The following GFRAL variants were observed in gnomAD, a reference collection of about 807,000 sequenced individuals.
The protein encoded by GFRAL is GDNF family receptor alpha like, also known as GDNF family receptor alpha-like.
In GFRAL, 36 loss-of-function variants were observed where a neutral mutation model predicts 45.4. The ratio of observed to expected loss-of-function variants is 0.79; its 90% CI spans 0.61 to 1.05. The LOEUF (loss-of-function observed/expected upper bound fraction) is 1.05. Ranked by LOEUF, GFRAL falls within the 50% of genes least tolerant of loss-of-function variation. The pLI is 0.00. For synonymous variants in GFRAL, 166 were observed against 154.1 expected, an observed-to-expected ratio of 1.08 and a Z score of -0.57; for missense variants, 507 against 467.5, an observed-to-expected ratio of 1.08 and a Z score of -0.78.
intron 6 of GFRAL, among the ~76,000 whole-genome samples, chr6:55,360,426 A>G (rs1299273764): frequency 6.6e-6 from 1 of 152,048 alleles, no homozygotes; most frequent in Non-Finnish European, 1.5e-5. Context: ...CTGTATCTAT[A>G]TCTATATACA....
Position 55,331,941 on chromosome 6 carries a change from T to A in GFRAL, c.157+92T>A, listed in dbSNP as rs150309421. 821 of 1,159,858 alleles carry A rather than the reference T, an allele frequency of 7.1e-4. 6 individuals are homozygous for A. The African/African-American group carries it at 0.011, about 16-fold the overall frequency. The allele number at this position is 1,159,858 out of a possible 1,614,324, so 71.8% of individuals were successfully genotyped here. On this transcript the variant is annotated intron_variant, in intron 2 of 8. Transcript: ENST00000340465. ...TTTTGTCATTATCCTAAGAACTAAG[T>A]TTTTTTCTATGTATCTTATTTAATC...
intron 3 of GFRAL, among the ~76,000 whole-genome samples, chr6:55,348,703 C>G (rs563701404): frequency 2.0e-5 from 3 of 152,102 alleles, no homozygotes; most frequent in South Asian, 4.2e-4. Context: ...CGATCAGGGC[C>G]CCACTCTTAT....
intron 6 of GFRAL, among the ~76,000 whole-genome samples, chr6:55,393,075 C>CTCT (rs1254755363): frequency 2.6e-5 from 4 of 152,088 alleles, no homozygotes; most frequent in African/African-American, 9.7e-5. Context: ...GTGTGGTGTT[C>CTCT]TCTTGCCTTC....
intron 6 of GFRAL, among the ~76,000 whole-genome samples, chr6:55,390,935 A>ACACACACACACACAC (rs764218405): frequency 3.7e-5 from 3 of 81,074 alleles, no homozygotes; most frequent in African/African-American, 5.9e-5. Flanking sequence ...CACACACACA[A>ACACACACACACACAC]GTAGTGGTCT....
At chr6:55,353,484 G>A (rs1768147146) in intron 5 of GFRAL, among the ~76,000 whole-genome samples, 1 of 151,938 alleles carries the variant, frequency 6.6e-6, no homozygotes. Context: ...TCAACTTATA[G>A]GATATCAAGG....
intron 3 of GFRAL, among the ~76,000 whole-genome samples, chr6:55,347,074 C>G (rs114623711): frequency 6.6e-6 from 1 of 151,560 alleles, no homozygotes; most frequent in Non-Finnish European, 1.5e-5. Context: ...TAGAGAATCA[C>G]GGGAAAGTAA....
intron 6 of GFRAL, among the ~76,000 whole-genome samples, chr6:55,363,602 C>A (rs9767069): frequency 0.63 from 75,892 of 120,532 alleles, 24,311 homozygotes; most frequent in South Asian, 0.75. Flanking sequence ...CCCACCCCAC[C>A]TCAGTCCCCA....
Position 55,331,720 on chromosome 6 carries a change from G to A in GFRAL, c.28G>A (p.Gly10Arg), listed in dbSNP as rs1395484799. 6.2e-7 allele frequency: 1 copy of A among 1,606,810 alleles called. No individual in the cohort carries two copies. The highest frequency in any genetic ancestry group is 1.3e-5 in the African/African-American group (1 of 74,548). Residue 10 changes from glycine (G) to arginine (R), a missense_variant, in exon 2 of 9, where the codon GGG becomes AGG. Transcript: ENST00000340465. Reference sequence around the variant, plus strand: ...TTTTGTTGTTGTTATTCAAGCTATGGGGTTAAGCTTGGAAAATGAATACAC... The same window carrying A: ...TTTTGTTGTTGTTATTCAAGCTATGAGGTTAAGCTTGGAAAATGAATACAC... MIVFIFLAM[G>R]LSLENEYTSQ...
intron 6 of GFRAL, among the ~76,000 whole-genome samples, chr6:55,395,205 G>T (rs1768808923): frequency 7.5e-6 from 1 of 133,676 alleles, no homozygotes; most frequent in African/African-American, 3.2e-5. Context: ...AGCCAGCTAG[G>T]TAAAATTTTA....
chr6:55,368,473 C>A (rs1316312014), intron 6 of GFRAL, among the ~76,000 whole-genome samples: 1 of 152,084 alleles, frequency 6.6e-6, no homozygotes, highest in African/African-American at 2.4e-5. Context: ...AGCTTTGTTC[C>A]GTTGCTGGTG....
At chr6:55,359,595 A>G (rs935043184) in intron 6 of GFRAL, among the ~76,000 whole-genome samples, 1 of 151,912 alleles carries the variant, frequency 6.6e-6, no homozygotes, top group Non-Finnish European at 1.5e-5. Context: ...TCATGTGCCT[A>G]TAGTCATCTG....
Position 55,358,969 on chromosome 6 carries a change from C to T in GFRAL, c.783C>T (p.Thr261=). ...KCHEDENCIS[T]LSKQDLTCSG... The stretch of plus-strand genomic sequence containing the variant: ...ATGAAGATGAGAATTGCATTAGCAC[C>T]TTAAGCAAACAGGACCTCACTTGTT... The change falls in exon 6 of 9, where the codon ACC becomes ACT. Residue 261 remains threonine (T), a synonymous_variant. Coordinates refer to ENST00000340465, the MANE Select transcript of GFRAL (RefSeq NM_207410.2). 6.2e-7 allele frequency: 1 copy of T among 1,613,064 alleles called. No homozygotes were observed. Among genetic ancestry groups the T allele is most frequent in the Non-Finnish European group, 8.5e-7 (1 of 1,179,374 alleles).
In GFRAL at chr6:55,358,876, C is replaced by T; in HGVS notation, c.702-12C>T. 3 of 1,608,984 alleles carry T rather than the reference C, an allele frequency of 1.9e-6. No individual in the cohort carries two copies. Among genetic ancestry groups the T allele is most frequent in the African/African-American group, 2.7e-5 (2 of 74,780 alleles). ...ATTCAAAACTAATTATTTTTCTTCA[C>T]TCTTTCTCTAGGAGGCACTATAGAA... On this transcript the variant is annotated splice_polypyrimidine_tract_variant and intron_variant, in intron 5 of 8. Transcript: ENST00000340465.
At chr6:55,379,646 A>G (rs906961766) in intron 6 of GFRAL, among the ~76,000 whole-genome samples, 2 of 151,874 alleles carry the variant, frequency 1.3e-5, no homozygotes, top group African/African-American at 4.8e-5. Flanking sequence ...ATAACCTCAC[A>G]TAGTTATCAT....
At chr6:55,363,363 G>C (rs1398394094) in intron 6 of GFRAL, among the ~76,000 whole-genome samples, 2 of 151,056 alleles carry the variant, frequency 1.3e-5, no homozygotes, top group African/African-American at 2.4e-5. Context: ...TTGCTTTACA[G>C]GTTCCTTTTT....
chr6:55,353,633 A>G (rs1383563906), intron 5 of GFRAL, among the ~76,000 whole-genome samples: 1 of 152,112 alleles, frequency 6.6e-6, no homozygotes, highest in African/African-American at 2.4e-5. Context: ...CTCATTTATC[A>G]TCTCAAAAAT....
intron 3 of GFRAL, among the ~76,000 whole-genome samples, chr6:55,347,965 T>C (rs1416185680): frequency 1.3e-5 from 2 of 152,036 alleles, no homozygotes; most frequent in African/African-American, 4.8e-5. Context: ...GATTATAAAA[T>C]ATAAATCAAA....
chr6:55,351,825 A>G (rs1768122133), intron 5 of GFRAL, among the ~76,000 whole-genome samples: 1 of 152,150 alleles, frequency 6.6e-6, no homozygotes, highest in Non-Finnish European at 1.5e-5. Context: ...GTAGCCATGA[A>G]ATAATATTAT....
chr6:55,396,624 A>C (rs571531313), intron 6 of GFRAL, among the ~76,000 whole-genome samples: 200 of 152,270 alleles, frequency 1.3e-3, no homozygotes, highest in Non-Finnish European at 1.9e-3. Context: ...GAATTGATTT[A>C]AATACACAAT....
Sources: allele counts gnomAD v4.1 joint callset (sites outside exome capture counted in the v4.1 genomes callset), GRCh38; gene constraint gnomAD v4.1.1; transcripts MANE v1.5; gene names NCBI Gene and HGNC (gene_info 2026-07-23, HGNC 2026-07-21).